The following HS3ST3B1 variants were observed in gnomAD, a reference collection of about 807,000 sequenced individuals.
The protein encoded by HS3ST3B1 is heparan sulfate-glucosamine 3-sulfotransferase 3B1.
A neutral mutation model predicts 21.3 loss-of-function variants in HS3ST3B1; 13 were observed. The ratio of observed to expected loss-of-function variants is 0.61; its 90% CI spans 0.40 to 0.97. The LOEUF is 0.97. HS3ST3B1 is among the 50% of genes least tolerant of loss of function. The probability of loss-of-function intolerance (pLI) is 0.00; values close to 1 mark genes in which losing one functional copy is unlikely to be tolerated. For missense variants in HS3ST3B1, 459 were observed against 554.8 expected (o/e 0.83, Z 1.73); for synonymous variants, 234 against 254.8 (o/e 0.92, Z 0.78).
intron 1 of HS3ST3B1, among the ~76,000 whole-genome samples, chr17:14,325,230 A>C (rs79326673): frequency 0.025 from 3,838 of 152,356 alleles, 112 homozygotes; most frequent in East Asian, 0.16. Flanking sequence ...CACATGGTTA[A>C]TCCAGCCTTT....
rs371720462 is a variant in HS3ST3B1, at chr17:14,317,343, CAG to C, written c.554+15273_554+15274del. On this transcript the variant is annotated intron_variant, in intron 1 of 1. Transcript: ENST00000360954. ...TTCATTCATTCATGATTTTCTCTACCAGACAGTTTTGGAACTCCTAGAATGGG... is the reference window on the plus strand; with the variant it reads ...TTCATTCATTCATGATTTTCTCTACCACAGTTTTGGAACTCCTAGAATGGG... Among the ~76,000 whole-genome samples the C allele has an allele frequency of 1.3e-3, 203 of 152,244 alleles. 1 individual carries two copies. Among genetic ancestry groups the C allele is most frequent in the African/African-American group, 4.6e-3 (191 of 41,550 alleles).
At chr17:14,313,126 G>GTGTATATATATATATATACATATATATA (rs1567637239) in intron 1 of HS3ST3B1, among the ~76,000 whole-genome samples, 3 of 48,788 alleles carry the variant, frequency 6.1e-5, no homozygotes, top group African/African-American at 2.9e-4. Context: ...ATATATATGT[G>GTGTATATATATATATATACATATATATA]TGTGTGTGTA....
intron 1 of HS3ST3B1, among the ~76,000 whole-genome samples, chr17:14,314,083 G>C (rs949788484): frequency 1.3e-5 from 2 of 151,894 alleles, no homozygotes; most frequent in Non-Finnish European, 2.9e-5. Flanking sequence ...GGGTTCAAGC[G>C]ATTCTCCTGC....
chr17:14,331,380 G>A (rs1422673753), intron 1 of HS3ST3B1, among the ~76,000 whole-genome samples: 1 of 152,046 alleles, frequency 6.6e-6, no homozygotes, highest in Non-Finnish European at 1.5e-5. Context: ...CTGCCCCAAT[G>A]AAAGGGATCT....
chr17:14,328,624 G>A (rs1909889032), intron 1 of HS3ST3B1: 1 of 152,212 alleles, frequency 6.6e-6, no homozygotes, highest in African/African-American at 2.4e-5. Flanking sequence ...AAGAAGGAGT[G>A]TGAGATGAGA....
In HS3ST3B1 at chr17:14,345,520, G is replaced by A. The variant is rs753484114; in HGVS notation, c.1047G>A (p.Leu349=). 5.6e-6 allele frequency: 9 copies of A among 1,601,652 alleles called. No homozygotes were observed. The highest frequency in any genetic ancestry group is 2.2e-5 in the East Asian group (1 of 44,672). ...KAEGSSRPHC[L]GKTKGRTHPE... The stretch of plus-strand genomic sequence containing the variant: ...AGGGCAGCAGCCGGCCCCATTGCCT[G>A]GGCAAGACCAAGGGCAGGACCCATC... The change falls in exon 2 of 2, where the codon CTG becomes CTA. Residue 349 remains leucine (L), a synonymous_variant. Coordinates refer to ENST00000360954, the MANE Select transcript of HS3ST3B1 (RefSeq NM_006041.3).
At chr17:14,342,056 G>C (rs535468913) in intron 1 of HS3ST3B1, among the ~76,000 whole-genome samples, 2 of 152,168 alleles carry the variant, frequency 1.3e-5, no homozygotes, top group Non-Finnish European at 2.9e-5. Context: ...CTAACTCCCT[G>C]TTGGCAGTCT....
At chr17:14,314,469 C>T (rs542536943) in intron 1 of HS3ST3B1, among the ~76,000 whole-genome samples, 2 of 152,296 alleles carry the variant, frequency 1.3e-5, no homozygotes, top group African/African-American at 2.4e-5. Context: ...GTCCCCATCC[C>T]GAGGACAACC....
chr17:14,319,674 C>A (rs1387077430), intron 1 of HS3ST3B1, among the ~76,000 whole-genome samples: 5 of 151,996 alleles, frequency 3.3e-5, no homozygotes, highest in Non-Finnish European at 5.9e-5. Context: ...AAGAAATAAA[C>A]AAGTAGATTA....
At chr17:14,323,322 T>C (rs1909714784) in intron 1 of HS3ST3B1, among the ~76,000 whole-genome samples, 1 of 152,208 alleles carries the variant, frequency 6.6e-6, no homozygotes, top group Admixed American at 6.5e-5. Context: ...CTGGGGAATT[T>C]GCATACCTTT....
In HS3ST3B1 at chr17:14,301,590, GC is replaced by G; in HGVS notation, c.77del (p.Pro26ArgfsTer4). 1.7e-5 allele frequency: 27 copies of G among 1,601,098 alleles called. No homozygotes were observed. Among genetic ancestry groups the G allele is most frequent in the Non-Finnish European group, 2.0e-5 (24 of 1,178,116 alleles). On this transcript the variant is annotated frameshift_variant, in exon 1 of 2. Coordinates refer to ENST00000360954, the MANE Select transcript of HS3ST3B1 (RefSeq NM_006041.3). LOFTEE classifies it high-confidence loss of function. ...PGRLLPQPPP[P>X]PPPVRRKLAL... is the part of the protein sequence containing the mutation. ...GCCGGCTCCTACCGCAGCCGCCGCC[GC>G]CCCCGCCGCCGGTGAGGAGGAAGCT...
chr17:14,332,933 T>A (rs1398296331), intron 1 of HS3ST3B1, among the ~76,000 whole-genome samples: 1 of 149,476 alleles, frequency 6.7e-6, no homozygotes, highest in South Asian at 2.1e-4. Context: ...CCTGAGTGCT[T>A]GGCGGTGGTT....
intron 1 of HS3ST3B1, among the ~76,000 whole-genome samples, chr17:14,307,410 G>GAAA (rs11383288): frequency 1.4e-5 from 2 of 141,326 alleles, no homozygotes. Flanking sequence ...GTTTTAGTCT[G>GAAA]AAAAAAAAAA....
At chr17:14,341,073 C>T (rs1006365145) in intron 1 of HS3ST3B1, among the ~76,000 whole-genome samples, 35 of 152,156 alleles carry the variant, frequency 2.3e-4, no homozygotes, top group African/African-American at 8.2e-4. Flanking sequence ...GACCAGCAGG[C>T]GGTCGAGCAC....
chr17:14,314,099 C>A lies in HS3ST3B1; in HGVS notation c.554+12027C>A, dbSNP rs564037821. Among the ~76,000 whole-genome samples the A allele has an allele frequency of 2.6e-5, 4 of 152,256 alleles. No homozygotes were observed. In the South Asian group the frequency reaches 8.3e-4, roughly 32 times the overall value. On this transcript the variant is annotated intron_variant, in intron 1 of 1. Transcript: ENST00000360954. ...GGTTCAAGCGATTCTCCTGCCTCAG[C>A]CTCCCGAGTAGCTGGGATTACAGGC...
intron 1 of HS3ST3B1, among the ~76,000 whole-genome samples, chr17:14,322,168 A>G (rs751172422): frequency 4.6e-5 from 7 of 151,990 alleles, no homozygotes; most frequent in Non-Finnish European, 8.8e-5. Flanking sequence ...GATGGTTACT[A>G]TATTTGAGCA....
chr17:14,328,420 C>G (rs1909883804), intron 1 of HS3ST3B1: 2 of 152,154 alleles, frequency 1.3e-5, no homozygotes, highest in African/African-American at 4.8e-5. Flanking sequence ...CGGGTAGCAT[C>G]TGAACTTCAC....
intron 1 of HS3ST3B1, among the ~76,000 whole-genome samples, chr17:14,334,465 C>A (rs749436089): frequency 5.3e-4 from 80 of 152,056 alleles, no homozygotes; most frequent in Non-Finnish European, 1.1e-3. Flanking sequence ...AATCCTCTTT[C>A]CTCAGGGCCT....
intron 1 of HS3ST3B1, among the ~76,000 whole-genome samples, chr17:14,341,565 C>A (rs1420893574): frequency 6.6e-6 from 1 of 151,612 alleles, no homozygotes. Context: ...GAGAAAACTG[C>A]AGCATGGACA....
Sources: allele counts gnomAD v4.1 joint callset (sites outside exome capture counted in the v4.1 genomes callset), GRCh38; gene constraint gnomAD v4.1.1; transcripts MANE v1.5; gene names NCBI Gene and HGNC (gene_info 2026-07-23, HGNC 2026-07-21).